REDIC1: variants seen among roughly 807,000 people sequenced by gnomAD.
REDIC1 encodes the protein regulator of DNA class I crossover intermediates 1.
the REDIC1 span, among the ~76,000 whole-genome samples, chr12:39,726,366 T>C: frequency 2.0e-5 from 3 of 152,052 alleles, no homozygotes; most frequent in African/African-American, 4.8e-5. Context: ...CCTGTGTGCA[T>C]GTGTTCTCAC....
At chr12:39,653,558 T>TTTTTCTTCTTCTTCTTCTTTC in the REDIC1 span, among the ~76,000 whole-genome samples, 2 of 43,842 alleles carry the variant, frequency 4.6e-5, no homozygotes, top group African/African-American at 6.9e-5. Context: ...CTTCTTCTTC[T>TTTTTCTTCTTCTTCTTCTTTC]TTCTTCTTCT....
At chr12:39,905,822 G>GAAAAAAA in the REDIC1 span, among the ~76,000 whole-genome samples, 2 of 145,402 alleles carry the variant, frequency 1.4e-5, no homozygotes, top group Non-Finnish European at 3.0e-5. Context: ...AAAATGCCCA[G>GAAAAAAA]AAAAAAAAAA....
chr12:39,809,033 G>A, the REDIC1 span, among the ~76,000 whole-genome samples: 22 of 152,054 alleles, frequency 1.4e-4, no homozygotes, highest in Admixed American at 1.4e-3. Context: ...AATGTTTTAT[G>A]ATTTTAGCTT....
At chr12:39,709,649 A>G in the REDIC1 span, among the ~76,000 whole-genome samples, 1 of 151,638 alleles carries the variant, frequency 6.6e-6, no homozygotes, top group African/African-American at 2.4e-5. Context: ...GGGTTCATCC[A>G]CTTTGTAGTA....
chr12:39,907,675 T>C, the REDIC1 span: 2 of 152,146 alleles, frequency 1.3e-5, no homozygotes, highest in Non-Finnish European at 2.9e-5. Flanking sequence ...TAGAATGAGG[T>C]GCATCTCACC....
At chr12:39,844,360 A>G in the REDIC1 span, among the ~76,000 whole-genome samples, 1 of 152,064 alleles carries the variant, frequency 6.6e-6, no homozygotes, top group African/African-American at 2.4e-5. Flanking sequence ...GCACTGAGGT[A>G]CATATTCTTT....
the REDIC1 span, among the ~76,000 whole-genome samples, chr12:39,859,678 G>A: frequency 2.0e-5 from 3 of 151,778 alleles, no homozygotes; most frequent in Non-Finnish European, 2.9e-5. Context: ...ACCCACAACC[G>A]CACCTGGCTA....
chr12:39,682,525 A>G, the REDIC1 span: 3 of 956,832 alleles, frequency 3.1e-6, no homozygotes, highest in Non-Finnish European at 4.4e-6. Context: ...GCAACTCAAT[A>G]TGTCCTCTAA....
At chr12:39,701,368 A>G in the REDIC1 span, among the ~76,000 whole-genome samples, 1 of 152,250 alleles carries the variant, frequency 6.6e-6, no homozygotes, top group African/African-American at 2.4e-5. Flanking sequence ...AAAGGGATCA[A>G]TTCAACAAGA....
the REDIC1 span, among the ~76,000 whole-genome samples, chr12:39,842,522 G>A: frequency 1.3e-5 from 2 of 152,074 alleles, no homozygotes; most frequent in Non-Finnish European, 2.9e-5. Flanking sequence ...TGAAGATACA[G>A]TAGGAGGCAA....
chr12:39,725,184 A>G, the REDIC1 span, among the ~76,000 whole-genome samples: 1 of 152,160 alleles, frequency 6.6e-6, no homozygotes, highest in African/African-American at 2.4e-5. Flanking sequence ...AACAGCAATG[A>G]TGGAAGCTAA....
chr12:39,740,526 G>C, the REDIC1 span, among the ~76,000 whole-genome samples: 1 of 151,934 alleles, frequency 6.6e-6, no homozygotes, highest in Non-Finnish European at 1.5e-5. Context: ...TTTATTTTCT[G>C]GGCACCACTT....
At chr12:39,799,297 A>T in the REDIC1 span, among the ~76,000 whole-genome samples, 1 of 136,794 alleles carries the variant, frequency 7.3e-6, no homozygotes, top group Non-Finnish European at 1.5e-5. Flanking sequence ...TTTAGTAGCA[A>T]TGGGGTTTCG....
At chr12:39,626,329 T>G in the REDIC1 span, 1 of 1,614,002 alleles carries the variant, frequency 6.2e-7, no homozygotes, top group South Asian at 1.1e-5. Context: ...GTCAAAAGAT[T>G]TGGGAAGATG....
chr12:39,727,704 T>C, the REDIC1 span, among the ~76,000 whole-genome samples: 1 of 151,410 alleles, frequency 6.6e-6, no homozygotes, highest in African/African-American at 2.4e-5. Flanking sequence ...AGTCTAATTG[T>C]GTTATGGGGA....
the REDIC1 span, among the ~76,000 whole-genome samples, chr12:39,665,619 G>A: frequency 6.7e-6 from 1 of 150,122 alleles, no homozygotes. Flanking sequence ...GAAAGTCATT[G>A]GTAGCTTGAT....
At chr12:39,633,787 C>G in the REDIC1 span, among the ~76,000 whole-genome samples, 2 of 152,244 alleles carry the variant, frequency 1.3e-5, no homozygotes, top group Admixed American at 1.3e-4. Flanking sequence ...ACGGAACCAT[C>G]GTTACGCAGT....
the REDIC1 span, among the ~76,000 whole-genome samples, chr12:39,637,635 G>T: frequency 3.3e-5 from 5 of 152,004 alleles, no homozygotes; most frequent in African/African-American, 9.7e-5. Flanking sequence ...GAGAACATTT[G>T]CATAAAATCA....
the REDIC1 span, among the ~76,000 whole-genome samples, chr12:39,858,243 A>C: frequency 1.3e-5 from 2 of 152,186 alleles, no homozygotes; most frequent in Non-Finnish European, 2.9e-5. Flanking sequence ...GATGAGATTT[A>C]TGTGGACTTT....
Sources: gnomAD v4.1 joint callset for allele counts (sites outside exome capture counted in the v4.1 genomes callset) on GRCh38, gnomAD v4.1.1 for gene constraint, MANE v1.5 for transcripts, NCBI Gene and HGNC (gene_info 2026-07-23, HGNC 2026-07-21) for gene names.